ITPR2: variants seen among roughly 807,000 people sequenced by gnomAD.
The protein encoded by ITPR2 is inositol 1,4,5-trisphosphate-gated calcium channel ITPR2.
ITPR2 carries 207 observed loss-of-function variants against 317.1 expected under a neutral mutation model. That is an observed-to-expected ratio of 0.65 (90% CI 0.58 to 0.73). The LOEUF (loss-of-function observed/expected upper bound fraction) is 0.73. Ranked by LOEUF, ITPR2 falls within the 30% of genes least tolerant of loss-of-function variation. The pLI is 0.00. For synonymous variants in ITPR2, 1,156 were observed against 1,149.1 expected, an observed-to-expected ratio of 1.01 and a Z score of -0.12; for missense variants, 2,613 against 3,284.0, an observed-to-expected ratio of 0.80 and a Z score of 4.99.
chr12:26,483,353 T>C (rs991290860), intron 42 of ITPR2, among the ~76,000 whole-genome samples: 1 of 152,196 alleles, frequency 6.6e-6, no homozygotes, highest in Non-Finnish European at 1.5e-5. Flanking sequence ...AAATAACATA[T>C]ACTACTCCTT....
Position 26,686,600 on chromosome 12 carries a change from T to G in ITPR2, c.1029A>C (p.Lys343Asn). 1 of 1,610,222 alleles carries G rather than the reference T, an allele frequency of 6.2e-7. No homozygotes were observed. The highest frequency in any genetic ancestry group is 1.3e-5 in the African/African-American group (1 of 74,816). Residue 343 changes from lysine (K) to asparagine (N), a missense_variant, in exon 11 of 57, where the codon AAA becomes AAC. By Grantham distance (94) the Lys-to-Asn change is moderately conservative (BLOSUM62 0). This residue lies in a region of ITPR2 where 515 missense variants were observed against 789.4 expected (regional missense o/e 0.65). Coordinates refer to ENST00000381340, the MANE Select transcript of ITPR2 (RefSeq NM_002223.4). Reference protein sequence around the residue: ...RDGVPPTSKKKRQAGEKIMYT... With the variant: ...RDGVPPTSKKNRQAGEKIMYT... ...ACATGATCTTCTCCCCTGCCTGGCG[T>G]TTTTTCTTTGAAGTTGGAGGGACTC... is the stretch of plus-strand genomic sequence containing the variant.
chr12:26,404,261 C>T (rs1311085767), intron 52 of ITPR2, among the ~76,000 whole-genome samples: 4 of 152,086 alleles, frequency 2.6e-5, no homozygotes, highest in African/African-American at 9.7e-5. Context: ...CCATGGGTGA[C>T]TTAGGAAAAG....
At chr12:26,532,215 T>G (rs904765961) in intron 37 of ITPR2, among the ~76,000 whole-genome samples, 1 of 152,206 alleles carries the variant, frequency 6.6e-6, no homozygotes, top group Non-Finnish European at 1.5e-5. Flanking sequence ...GTTTGTGTTA[T>G]GTTCCGTAAA....
At position 26,622,837 on chromosome 12, in the gene ITPR2, G is replaced by A. The variant is rs1003001745; in HGVS notation, c.3123-432C>T. The stretch of plus-strand genomic sequence containing the variant: ...GTGGGGGAGGCCAGCGCACATGTGC[G>A]TGAACCAGCACCAGAGTGGCCACAG... On this transcript the variant is annotated intron_variant, in intron 24 of 56. Transcript: ENST00000381340. Among the ~76,000 whole-genome samples the A allele has an allele frequency of 3.3e-5, 5 of 152,190 alleles. No homozygotes were observed. In the East Asian group the frequency reaches 7.7e-4, roughly 23 times the overall value.
chr12:26,423,397 ACTAG>A (rs1181797680), intron 49 of ITPR2, among the ~76,000 whole-genome samples: 1 of 152,196 alleles, frequency 6.6e-6, no homozygotes. Context: ...TTGTTAGTAG[ACTAG>A]CTATCTGCTA....
chr12:26,742,775 C>T (rs1340736855), intron 2 of ITPR2, among the ~76,000 whole-genome samples: 5 of 151,302 alleles, frequency 3.3e-5, no homozygotes, highest in Admixed American at 1.3e-4. Flanking sequence ...ATCATACCAC[C>T]GCACTCCAGC....
chr12:26,401,387 A>G (rs1022408112), intron 52 of ITPR2, among the ~76,000 whole-genome samples: 4 of 152,202 alleles, frequency 2.6e-5, no homozygotes, highest in African/African-American at 9.7e-5. Flanking sequence ...TCTTGATAAG[A>G]AGCACAATGT....
intron 37 of ITPR2, among the ~76,000 whole-genome samples, chr12:26,506,480 C>G (rs1591838424): frequency 6.8e-6 from 1 of 146,604 alleles, no homozygotes; most frequent in Non-Finnish European, 1.5e-5. Flanking sequence ...GCACTCCAGC[C>G]TGGGAGACCC....
chr12:26,493,803 T>C (rs1482923531), intron 39 of ITPR2, among the ~76,000 whole-genome samples: 1 of 152,186 alleles, frequency 6.6e-6, no homozygotes, highest in African/African-American at 2.4e-5. Context: ...TGCTTTTGGG[T>C]GTCGTCAACC....
Position 26,681,987 on chromosome 12 carries a change from C to A in ITPR2, c.1296G>T (p.Val432=). The change falls in exon 13 of 57, where the codon GTG becomes GTT. Residue 432 remains valine, a synonymous_variant. Coordinates refer to ENST00000381340, the MANE Select transcript of ITPR2 (RefSeq NM_002223.4). ...CTCGAACTTCAGACAGTGGAACAGA[C>A]ACGATTGCGAACGCTTCTTTATCTT... is the stretch of plus-strand genomic sequence containing the variant. The part of the protein sequence containing the change: ...TKEDKEAFAI[V]SVPLSEVRDL... 1 of 1,613,746 alleles carries A rather than the reference C, an allele frequency of 6.2e-7. No individual in the cohort carries two copies. The highest frequency in any genetic ancestry group is 8.5e-7 in the Non-Finnish European group (1 of 1,179,704).
At chr12:26,382,424 G>A (rs1311618316) in intron 55 of ITPR2, among the ~76,000 whole-genome samples, 1 of 152,150 alleles carries the variant, frequency 6.6e-6, no homozygotes, top group Non-Finnish European at 1.5e-5. Context: ...TAGCACTTTG[G>A]GAGATCGAAG....
At chr12:26,803,384 C>T (rs10842794) in intron 1 of ITPR2, among the ~76,000 whole-genome samples, 28,666 of 151,454 alleles carry the variant, frequency 0.19, 3,189 homozygotes, top group African/African-American at 0.29. Context: ...TTAAATGAAT[C>T]CATTGATATT....
intron 9 of ITPR2, among the ~76,000 whole-genome samples, chr12:26,700,740 A>C (rs1417376350): frequency 6.6e-6 from 1 of 152,222 alleles, no homozygotes; most frequent in African/African-American, 2.4e-5. Context: ...GAGGATGAAA[A>C]AGGGAAAGTA....
At chr12:26,798,490 A>G (rs1427559848) in intron 1 of ITPR2, among the ~76,000 whole-genome samples, 1 of 152,248 alleles carries the variant, frequency 6.6e-6, no homozygotes, top group Non-Finnish European at 1.5e-5. Context: ...TTTTATCATT[A>G]CAAGCTAAAT....
At chr12:26,448,373 G>A (rs192361123) in intron 45 of ITPR2, among the ~76,000 whole-genome samples, 2 of 151,336 alleles carry the variant, frequency 1.3e-5, no homozygotes, top group East Asian at 3.9e-4. Context: ...ATGCCATGGG[G>A]GGGAAATCTC....
intron 27 of ITPR2, 43 bp from the exon 28 acceptor site, chr12:26,602,538 A>G: frequency 5.7e-6 from 9 of 1,575,882 alleles, no homozygotes; most frequent in Non-Finnish European, 6.9e-6. Context: ...ATAAATAACA[A>G]TATTAAGTAT....
chr12:26,634,643 T>C (rs1946826120), intron 21 of ITPR2, among the ~76,000 whole-genome samples: 1 of 151,982 alleles, frequency 6.6e-6, no homozygotes, highest in Non-Finnish European at 1.5e-5. Context: ...CCTAGCACTT[T>C]GGGAGGCCAA....
chr12:26,610,335 C>G (rs553869698), intron 26 of ITPR2, among the ~76,000 whole-genome samples: 74 of 152,336 alleles, frequency 4.9e-4, no homozygotes, highest in African/African-American at 1.7e-3. Context: ...TAATATATAT[C>G]CTTCTACAGG....
At chr12:26,457,856 T>C (rs952818804) in intron 45 of ITPR2, among the ~76,000 whole-genome samples, 16 of 152,182 alleles carry the variant, frequency 1.1e-4, no homozygotes, top group African/African-American at 3.9e-4. Context: ...GGGTACTTTA[T>C]GAATATTTAC....
Sources: allele counts gnomAD v4.1 joint callset (sites outside exome capture counted in the v4.1 genomes callset), GRCh38; gene constraint gnomAD v4.1.1; regional missense constraint gnomAD v4.1.1; transcripts MANE v1.5; gene names NCBI Gene and HGNC (gene_info 2026-07-23, HGNC 2026-07-21).